KIAA0825: variants seen among roughly 807,000 people sequenced by gnomAD.
KIAA0825 encodes the protein uncharacterized protein KIAA0825.
KIAA0825 carries 119 observed loss-of-function variants against 147.6 expected under a neutral mutation model. That is an observed-to-expected ratio of 0.81 (90% CI 0.69 to 0.94). KIAA0825 has a LOEUF of 0.94. Ranked by LOEUF, KIAA0825 falls within the 40% of genes least tolerant of loss-of-function variation. The probability of loss-of-function intolerance (pLI) is 0.00; values close to 1 mark genes in which losing one functional copy is unlikely to be tolerated. For missense variants in KIAA0825, 1,381 were observed against 1,472.7 expected (o/e 0.94, Z 1.02); for synonymous variants, 470 against 518.1 (o/e 0.91, Z 1.26).
chr5:94,470,172 A>G lies in KIAA0825; in HGVS notation c.1722-61T>C, dbSNP rs1245788708. 2.4e-5 allele frequency: 30 copies of G among 1,243,516 alleles called. No individual in the cohort carries two copies. The East Asian group carries it at 8.3e-4, about 34-fold the overall frequency. 77.0% of individuals were successfully genotyped at this position (1,243,516 alleles called of 1,614,324 possible). ...AAGGCCTGTGCAGTAGGAGATAACAATCTCCAGTACTACAAATGGTTTTGA... is the reference window on the plus strand; with the variant it reads ...AAGGCCTGTGCAGTAGGAGATAACAGTCTCCAGTACTACAAATGGTTTTGA... On this transcript the variant is annotated intron_variant, in intron 9 of 20. Coordinates refer to ENST00000682413, the MANE Select transcript of KIAA0825 (RefSeq NM_001145678.3).
rs201047406 is a variant in KIAA0825 at position 94,483,590 on chromosome 5, G to GT, written c.1132+1178dup. Among the ~76,000 whole-genome samples the GT allele has an allele frequency of 5.4e-3, 806 of 150,408 alleles. 6 individuals are homozygous for GT. Among genetic ancestry groups the GT allele is most frequent in the Middle Eastern group, 0.01 (3 of 290 alleles). On this transcript the variant is annotated intron_variant, in intron 6 of 20. Transcript: ENST00000682413. ...GCTTTTTTTTGGTTTTTTTGGGGGG[G>GT]TTTTTTTTGGGGTTGGCTTCAGAAA... is the stretch of plus-strand genomic sequence containing the variant.
At chr5:94,266,840 G>A (rs1776757858) in intron 20 of KIAA0825, among the ~76,000 whole-genome samples, 1 of 152,100 alleles carries the variant, frequency 6.6e-6, no homozygotes, top group Non-Finnish European at 1.5e-5. Context: ...TTTCTAAAAT[G>A]ATAAATGTTA....
At chr5:94,378,974 G>C (rs974690104) in intron 20 of KIAA0825, among the ~76,000 whole-genome samples, 2 of 152,054 alleles carry the variant, frequency 1.3e-5, no homozygotes, top group Non-Finnish European at 2.9e-5. Context: ...TTGTTGATTT[G>C]TTTAAGTTCC....
At position 94,462,483 on chromosome 5, in the gene KIAA0825, T is replaced by C; in HGVS notation, c.2150A>G (p.Gln717Arg). The change falls in exon 12 of 21, where the codon CAG (glutamine) becomes CGG (arginine). Residue 717 changes from glutamine (Q) to arginine (R), a missense_variant. Gln to Arg is a conservative substitution (Grantham distance 43). Coordinates refer to ENST00000682413, the MANE Select transcript of KIAA0825 (RefSeq NM_001145678.3). The part of the protein sequence containing the change: ...TSVQKLLNPH[Q>R]HTDDKIFKIH... The stretch of plus-strand genomic sequence containing the variant: ...TTTAAAAATTTTATCATCTGTATGC[T>C]GATGAGGATTCAAAAGTTTCTGTAC... 6.5e-7 allele frequency: 1 copy of C among 1,539,282 alleles called. No individual in the cohort carries two copies. Among genetic ancestry groups the C allele is most frequent in the Non-Finnish European group, 8.8e-7 (1 of 1,137,148 alleles).
intron 20 of KIAA0825, among the ~76,000 whole-genome samples, chr5:94,311,200 C>A (rs1486099223): frequency 6.7e-6 from 1 of 149,984 alleles, no homozygotes; most frequent in Non-Finnish European, 1.5e-5. Flanking sequence ...TTTGTCAGTT[C>A]AAAGCAATTG....
chr5:94,568,923 C>A, intron 2 of KIAA0825: 1 of 164,442 alleles, frequency 6.1e-6, no homozygotes, highest in South Asian at 1.8e-4. Flanking sequence ...CCTCCTAACC[C>A]TCCTCCTAAT....
intron 20 of KIAA0825, among the ~76,000 whole-genome samples, chr5:94,158,260 T>C (rs1012166460): frequency 1.3e-5 from 2 of 152,166 alleles, no homozygotes; most frequent in Admixed American, 6.5e-5. Flanking sequence ...TGTCAGAGTT[T>C]AGTAGTTGCA....
At chr5:94,453,342 T>A (rs1454509793) in intron 12 of KIAA0825, among the ~76,000 whole-genome samples, 1 of 81,676 alleles carries the variant, frequency 1.2e-5, no homozygotes, top group African/African-American at 5.5e-5. Context: ...GTGGCTGATT[T>A]TTTTTTTTTT....
chr5:94,494,181 A>G (rs1230809816), intron 5 of KIAA0825, among the ~76,000 whole-genome samples: 1 of 152,178 alleles, frequency 6.6e-6, no homozygotes, highest in African/African-American at 2.4e-5. Flanking sequence ...TTACTGCTCA[A>G]TGATAACAAA....
At chr5:94,164,654 G>A (rs1346474223) in intron 20 of KIAA0825, among the ~76,000 whole-genome samples, 1 of 151,966 alleles carries the variant, frequency 6.6e-6, no homozygotes, top group African/African-American at 2.4e-5. Context: ...CTCGTGATCT[G>A]CCTGCCTCAG....
chr5:94,555,593 C>T (rs1317162885), intron 2 of KIAA0825, among the ~76,000 whole-genome samples: 2 of 152,124 alleles, frequency 1.3e-5, no homozygotes, highest in Non-Finnish European at 2.9e-5. Context: ...TCAGAATACA[C>T]TATTGTAGCT....
intron 5 of KIAA0825, among the ~76,000 whole-genome samples, chr5:94,497,203 C>T (rs1471223237): frequency 1.3e-5 from 2 of 152,140 alleles, no homozygotes; most frequent in Non-Finnish European, 2.9e-5. Flanking sequence ...CTAGCAATGA[C>T]ATCAAATGAA....
intron 20 of KIAA0825, among the ~76,000 whole-genome samples, chr5:94,198,545 CA>C (rs1235105368): frequency 6.6e-6 from 1 of 151,346 alleles, no homozygotes; most frequent in Non-Finnish European, 1.5e-5. Context: ...GGGAGTTGAA[CA>C]ATGAGAACAC....
At chr5:94,398,439 G>A (rs542719423) in intron 16 of KIAA0825, among the ~76,000 whole-genome samples, 8 of 124,036 alleles carry the variant, frequency 6.4e-5, no homozygotes, top group South Asian at 5.5e-4. Context: ...TTAGACTTCT[G>A]AGTATATCAT....
At chr5:94,600,511 C>T (rs1786200619) in intron 1 of KIAA0825, among the ~76,000 whole-genome samples, 1 of 151,970 alleles carries the variant, frequency 6.6e-6, no homozygotes, top group South Asian at 2.1e-4. Context: ...TTTGTCATCT[C>T]AGTAAACTGA....
intron 20 of KIAA0825, among the ~76,000 whole-genome samples, chr5:94,317,123 A>G (rs1378692653): frequency 6.6e-6 from 1 of 151,840 alleles, no homozygotes; most frequent in Non-Finnish European, 1.5e-5. Flanking sequence ...TCAAGTGGGA[A>G]GGGAGTGTGA....
At chr5:94,388,769 G>A (rs1402671872) in intron 18 of KIAA0825, among the ~76,000 whole-genome samples, 3 of 152,136 alleles carry the variant, frequency 2.0e-5, no homozygotes, top group African/African-American at 7.2e-5. Context: ...CTTTAACTGT[G>A]ACATTGCTTT....
At chr5:94,470,317 G>C (rs929829257) in intron 9 of KIAA0825, among the ~76,000 whole-genome samples, 1 of 151,686 alleles carries the variant, frequency 6.6e-6, no homozygotes, top group Non-Finnish European at 1.5e-5. Flanking sequence ...CTTTGAAAAC[G>C]TACATCTGCT....
chr5:94,245,716 T>A (rs2150111394), intron 20 of KIAA0825, among the ~76,000 whole-genome samples: 1 of 152,214 alleles, frequency 6.6e-6, no homozygotes, highest in East Asian at 1.9e-4. Flanking sequence ...AATTCAAAAC[T>A]TAATATGACT....
Sources: gnomAD v4.1 joint callset for allele counts (sites outside exome capture counted in the v4.1 genomes callset) on GRCh38, gnomAD v4.1.1 for gene constraint, MANE v1.5 for transcripts, NCBI Gene and HGNC (gene_info 2026-07-23, HGNC 2026-07-21) for gene names.